The following DHX9 variants were observed in gnomAD, a reference collection of about 807,000 sequenced individuals.
DHX9 encodes ATP-dependent RNA helicase A.
DHX9 carries 27 observed loss-of-function variants against 148.7 expected under a neutral mutation model. The ratio of observed to expected loss-of-function variants is 0.18; its 90% confidence interval spans 0.13 to 0.25. DHX9 has a LOEUF of 0.25. DHX9 is among the 10% of genes least tolerant of loss of function. DHX9 has a pLI of 1.00. For missense variants in DHX9, 796 were observed against 1,559.6 expected (o/e 0.51, Z 8.25); for synonymous variants, 529 against 516.6 (o/e 1.02, Z -0.33).
intron 21 of DHX9, 126 bp downstream of exon 21, chr1:182,879,536 G>GTAAT (rs1648986645): frequency 1.2e-6 from 1 of 855,808 alleles, no homozygotes; most frequent in Non-Finnish European, 1.6e-6. Flanking sequence ...GATAATAATA[G>GTAAT]TAAGGCCTCC....
intron 2 of DHX9, 88 bp from the exon 3 acceptor site, chr1:182,843,206 T>A: frequency 1.0e-6 from 1 of 977,320 alleles, no homozygotes. Flanking sequence ...AGCTGTTTGT[T>A]GTCTCTTAAT....
At position 182,883,567 on chromosome 1, in the gene DHX9, C is replaced by T; in HGVS notation, c.3192C>T (p.Pro1064=). 10 of 1,613,720 alleles carry T rather than the reference C, an allele frequency of 6.2e-6. No homozygotes were observed. The highest frequency in any genetic ancestry group is 2.2e-5 in the East Asian group (1 of 44,880). ...CTAAAGGCATGACTTTAGTCACCCCCCTGCAGTTGCTTCTCTTTGCCTCCA... is the reference window on the plus strand; with the variant it reads ...CTAAAGGCATGACTTTAGTCACCCCTCTGCAGTTGCTTCTCTTTGCCTCCA... The part of the protein sequence containing the change: ...ISAKGMTLVT[P]LQLLLFASKK... Residue 1064 remains proline (P), a synonymous_variant, in exon 26 of 28, where the codon CCC becomes CCT. Transcript: ENST00000367549.
chr1:182,883,076 T>C, intron 24 of DHX9, 63 bp from the exon 25 acceptor site: 3 of 1,062,376 alleles, frequency 2.8e-6, no homozygotes, highest in South Asian at 2.6e-5. Flanking sequence ...TTAAATAGTT[T>C]GCATGTAATG....
At chr1:182,875,721 C>G (rs1465537966) in intron 16 of DHX9, among the ~76,000 whole-genome samples, 3 of 152,066 alleles carry the variant, frequency 2.0e-5, no homozygotes, top group Non-Finnish European at 4.4e-5. Context: ...ATCATTGATT[C>G]AAATGTAAAC....
At chr1:182,863,994 G>A (rs1253193361) in intron 12 of DHX9, among the ~76,000 whole-genome samples, 3 of 152,146 alleles carry the variant, frequency 2.0e-5, no homozygotes, top group Admixed American at 6.5e-5. Context: ...GCAACATGGC[G>A]AAACTCCATC....
At position 182,879,307 on chromosome 1, in the gene DHX9, T is replaced by A. The variant is rs1648976503; in HGVS notation, c.2409T>A (p.Leu803=). 6.5e-7 allele frequency: 1 copy of A among 1,544,804 alleles called. No homozygotes were observed. Among genetic ancestry groups the A allele is most frequent in the African/African-American group, 1.3e-5 (1 of 74,116 alleles). The part of the protein sequence containing the change: ...MFRTPLHEIA[L]SIKLLRLGGI... ...GAACACCATTGCATGAAATTGCTCT[T>A]AGCATAAAACTTCTGCGTCTAGGAG... Residue 803 remains leucine (L), a synonymous_variant, in exon 21 of 28, where the codon CTT becomes CTA. Transcript: ENST00000367549.
At chr1:182,852,452 G>A in intron 4 of DHX9, 108 bp downstream of exon 4, 2 of 696,994 alleles carry the variant, frequency 2.9e-6, no homozygotes, top group Non-Finnish European at 4.6e-6. Context: ...AACTCTTGAT[G>A]TTAAGAGACA....
intron 15 of DHX9, among the ~76,000 whole-genome samples, chr1:182,873,255 C>T (rs1648620546): frequency 6.6e-6 from 1 of 152,184 alleles, no homozygotes; most frequent in Non-Finnish European, 1.5e-5. Flanking sequence ...TGCGCCCAGC[C>T]TTCTTTACTG....
At position 182,874,797 on chromosome 1, in the gene DHX9, G is replaced by T; in HGVS notation, c.1715-57G>T. The T allele has an allele frequency of 3.9e-6, 5 of 1,296,692 alleles. No homozygotes were observed. The South Asian group carries it at 4.8e-5, about 12-fold the overall frequency. The allele number at this position is 1,296,692 out of a possible 1,614,324, so 80.3% of individuals were successfully genotyped here. A position where few individuals can be genotyped will look rare whatever the true frequency, so the allele number is the denominator to read the frequency against. Reference sequence around the variant, plus strand: ...AACTATGAATTAGCAAATGAATTTAGGTCTGCTCCATTGTGAAAGTTGATA... The same window carrying T: ...AACTATGAATTAGCAAATGAATTTATGTCTGCTCCATTGTGAAAGTTGATA... On this transcript the variant is annotated intron_variant, in intron 15 of 27. Transcript: ENST00000367549.
At chr1:182,880,697 G>C (rs937981605) in intron 22 of DHX9, 89 bp downstream of exon 22, 2 of 793,564 alleles carry the variant, frequency 2.5e-6, no homozygotes, top group Admixed American at 5.5e-5. Flanking sequence ...GGCTCAGATA[G>C]ACAAAAAAAA....
chr1:182,877,049 T>C (rs1368884473), intron 19 of DHX9, 146 bp downstream of exon 19: 6 of 506,734 alleles, frequency 1.2e-5, no homozygotes, highest in Non-Finnish European at 2.1e-5. Flanking sequence ...GCATTATAGG[T>C]AATTGATAAT....
In DHX9 at chr1:182,876,039, G is replaced by GT. The variant is rs202058002; in HGVS notation, c.1816-5dup. The GT allele has an allele frequency of 9.9e-4, 1,603 of 1,612,150 alleles. 17 individuals are homozygous for GT. The African/African-American group carries it at 0.019, about 19-fold the overall frequency. ...AGACAATCCAAAAATATGTCTCCCTGTTTTTTACAGGCAAATTGCAACTTG... is the reference window on the plus strand; with the variant it reads ...AGACAATCCAAAAATATGTCTCCCTGTTTTTTTACAGGCAAATTGCAACTTG... On this transcript the variant is annotated splice_polypyrimidine_tract_variant and intron_variant, in intron 16 of 27. Coordinates refer to ENST00000367549, the MANE Select transcript of DHX9 (RefSeq NM_001357.5).
intron 14 of DHX9, among the ~76,000 whole-genome samples, chr1:182,870,672 G>A (rs904378241): frequency 2.3e-4 from 35 of 152,256 alleles, no homozygotes; most frequent in Middle Eastern, 3.4e-3. Flanking sequence ...CTTTAAACGT[G>A]TTGACACATG....
At chr1:182,857,508 T>C (rs1005219170) in intron 7 of DHX9, among the ~76,000 whole-genome samples, 1 of 152,254 alleles carries the variant, frequency 6.6e-6, no homozygotes, top group African/African-American at 2.4e-5. Flanking sequence ...TTTTAGACTT[T>C]ACAGGTCACA....
Position 182,867,013 on chromosome 1 carries a change from T to A in DHX9, c.1527T>A (p.Ile509=). ...EAGIRGISHV[I]VDEIHERDIN... ...GCATTCGAGGAATCAGTCATGTAAT[T>A]GTAGATGAAATACATGAAAGAGATA... The change falls in exon 14 of 28, where the codon ATT becomes ATA. Residue 509 remains isoleucine, a synonymous_variant. Transcript: ENST00000367549. 1 of 1,606,158 alleles carries A rather than the reference T, an allele frequency of 6.2e-7. No homozygotes were observed. The highest frequency in any genetic ancestry group is 8.5e-7 in the Non-Finnish European group (1 of 1,178,030).
Position 182,884,625 on chromosome 1 carries a change from A to G in DHX9, c.3273A>G (p.Gln1091=). Residue 1091 remains glutamine, a synonymous_variant, in exon 27 of 28, where the codon CAA becomes CAG. Coordinates refer to ENST00000367549, the MANE Select transcript of DHX9 (RefSeq NM_001357.5). ...TTCGCCACTTTAGGATTAAACTGCA[A>G]ATATCTCATGAAGCTGCTGCCTGTA... is the stretch of plus-strand genomic sequence containing the variant. ...IVLVDDWIKL[Q]ISHEAAACIT... is the part of the protein sequence containing the mutation. 2 of 1,614,078 alleles carry G rather than the reference A, an allele frequency of 1.2e-6. No homozygotes were observed. The highest frequency in any genetic ancestry group is 1.7e-6 in the Non-Finnish European group (2 of 1,180,002).
At position 182,876,101 on chromosome 1, in the gene DHX9, A is replaced by C. The variant is rs1487248115; in HGVS notation, c.1867A>C (p.Ser623Arg). 6.2e-7 allele frequency: 1 copy of C among 1,613,970 alleles called. No homozygotes were observed. The highest frequency in any genetic ancestry group is 8.5e-7 in the Non-Finnish European group (1 of 1,179,858). ...TGAATATGGTCCAGAAACAAGGTTG[A>C]GCATGTCTCAATTGAACGAAAAGGA... ...GDEYGPETRL[S>R]MSQLNEKETP... The change falls in exon 17 of 28, where the codon AGC becomes CGC. Residue 623 changes from serine to arginine, a missense_variant. Transcript: ENST00000367549.
At position 182,887,101 on chromosome 1, in the gene DHX9, T is replaced by C. The variant is rs1649366314; in HGVS notation, c.3480T>C (p.Arg1160=). The change falls in exon 28 of 28, where the codon CGT becomes CGC. Residue 1160 remains arginine (R), a synonymous_variant. Transcript: ENST00000367549. The part of the protein sequence containing the change: ...IGSTRYGDGP[R]PPKMARYDNG... Reference sequence around the variant, plus strand: ...TTCCTAGGTATGGAGATGGTCCACGTCCTCCCAAGATGGCCCGATACGACA... The same window carrying C: ...TTCCTAGGTATGGAGATGGTCCACGCCCTCCCAAGATGGCCCGATACGACA... 1.2e-6 allele frequency: 2 copies of C among 1,614,028 alleles called. No homozygotes were observed. The highest frequency in any genetic ancestry group is 2.2e-5 in the South Asian group (2 of 91,064).
intron 3 of DHX9, among the ~76,000 whole-genome samples, chr1:182,845,843 A>G (rs1668018160): frequency 6.6e-6 from 1 of 152,248 alleles, no homozygotes; most frequent in Admixed American, 6.5e-5. Flanking sequence ...TGAAATAAGT[A>G]GGGCAAGATA....
Sources: allele counts gnomAD v4.1 joint callset (sites outside exome capture counted in the v4.1 genomes callset), GRCh38; gene constraint gnomAD v4.1.1; transcripts MANE v1.5; gene names NCBI Gene and HGNC (gene_info 2026-07-23, HGNC 2026-07-21).